The following ZSWIM5 variants were observed in gnomAD, a reference collection of about 807,000 sequenced individuals.
The protein encoded by ZSWIM5 is zinc finger SWIM domain-containing protein 5.
Under a neutral mutation model 119.6 loss-of-function variants are expected in ZSWIM5, and 55 were observed. The observed-to-expected ratio is 0.46, with a 90% CI of 0.37 to 0.58. The LOEUF is 0.58. ZSWIM5 is among the 20% of genes least tolerant of loss of function. The pLI, the probability that ZSWIM5 is intolerant of heterozygous loss-of-function variation, is 0.00. For missense variants in ZSWIM5, 1,193 were observed against 1,512.8 expected (o/e 0.79, Z 3.51); for synonymous variants, 537 against 606.9 (o/e 0.88, Z 1.69).
intron 1 of ZSWIM5, among the ~76,000 whole-genome samples, chr1:45,122,895 C>A (rs1645601127): frequency 6.6e-6 from 1 of 152,134 alleles, no homozygotes. Context: ...CCCCTATGTC[C>A]TCCTCTCCCT....
intron 1 of ZSWIM5, among the ~76,000 whole-genome samples, chr1:45,193,038 G>A (rs1285747944): frequency 6.6e-6 from 1 of 151,954 alleles, no homozygotes; most frequent in Non-Finnish European, 1.5e-5. Flanking sequence ...ATATATTCTG[G>A]ATATTAATCC....
At chr1:45,176,290 A>G (rs1645981074) in intron 1 of ZSWIM5, among the ~76,000 whole-genome samples, 1 of 151,412 alleles carries the variant, frequency 6.6e-6, no homozygotes, top group Non-Finnish European at 1.5e-5. Context: ...TTTCAGACGG[A>G]GTCTTGCTTG....
Position 45,034,574 on chromosome 1 carries a change from G to A in ZSWIM5, c.2292-105C>T, listed in dbSNP as rs543232897. 214 of 1,338,430 alleles carry A rather than the reference G, an allele frequency of 1.6e-4. No individual in the cohort carries two copies. In the African/African-American group the frequency reaches 2.8e-3, roughly 17 times the overall value. The allele number at this position is 1,338,430 out of a possible 1,614,324, so 82.9% of individuals were successfully genotyped here. A position where few individuals can be genotyped will look rare whatever the true frequency, so the allele number is the denominator to read the frequency against. ...TGGGGAGGAACTGGGGAGAGGAAAG[G>A]ATTAACTAAGAGCTTTGAAGGTTTT... is the stretch of plus-strand genomic sequence containing the variant. On this transcript the variant is annotated intron_variant, in intron 10 of 13. Transcript: ENST00000359600.
chr1:45,118,103 GA>G (rs990443656), intron 1 of ZSWIM5, among the ~76,000 whole-genome samples: 4 of 148,800 alleles, frequency 2.7e-5, no homozygotes, highest in African/African-American at 7.4e-5. Flanking sequence ...ACCCTGCCTT[GA>G]AAAAAAAAAT....
At chr1:45,162,747 T>C (rs781448201) in intron 1 of ZSWIM5, among the ~76,000 whole-genome samples, 4 of 152,288 alleles carry the variant, frequency 2.6e-5, no homozygotes, top group Non-Finnish European at 5.9e-5. Flanking sequence ...GAGATCGAAC[T>C]GCAAGGCAGC....
chr1:45,082,492 C>A (rs1416456357), intron 2 of ZSWIM5, among the ~76,000 whole-genome samples: 1 of 152,198 alleles, frequency 6.6e-6, no homozygotes, highest in Non-Finnish European at 1.5e-5. Context: ...CATGTTGGAA[C>A]TCAGTTCTAT....
rs1409463320 is a variant in ZSWIM5 at position 45,072,157 on chromosome 1, T to C, written c.953-11910A>G. ...ATGATATGTCATTGTGGTTTTGATTTGCATTTCTCTGATGACAAATGATAT... is the reference window on the plus strand; with the variant it reads ...ATGATATGTCATTGTGGTTTTGATTCGCATTTCTCTGATGACAAATGATAT... On this transcript the variant is annotated intron_variant, in intron 2 of 13. Transcript: ENST00000359600. This position sits in a 1 kb window ranked among gnomAD's most constrained non-coding sequence, Gnocchi z 4.1. Among the ~76,000 whole-genome samples the C allele has an allele frequency of 2.6e-5, 4 of 152,044 alleles. No individual in the cohort carries two copies. Among genetic ancestry groups the C allele is most frequent in the South Asian group, 4.1e-4 (2 of 4,832 alleles).
chr1:45,037,582 G>A (rs1399490972), intron 8 of ZSWIM5, among the ~76,000 whole-genome samples: 1 of 152,234 alleles, frequency 6.6e-6, no homozygotes, highest in East Asian at 1.9e-4. Context: ...GTATTGCTAT[G>A]TGTTAGTGGT....
At chr1:45,159,559 C>T (rs1023618716) in intron 1 of ZSWIM5, among the ~76,000 whole-genome samples, 10 of 151,906 alleles carry the variant, frequency 6.6e-5, no homozygotes, top group South Asian at 4.1e-4. Context: ...TCACATTTTC[C>T]AATCTGGAGA....
intron 2 of ZSWIM5, among the ~76,000 whole-genome samples, chr1:45,082,389 A>T (rs2149009322): frequency 6.6e-6 from 1 of 152,330 alleles, no homozygotes; most frequent in African/African-American, 2.4e-5. Flanking sequence ...TCTCAAACTT[A>T]AATCTATCTT....
intron 1 of ZSWIM5, among the ~76,000 whole-genome samples, chr1:45,105,434 T>C (rs1206385940): frequency 6.7e-6 from 1 of 148,260 alleles, no homozygotes; most frequent in Non-Finnish European, 1.5e-5. Context: ...GAGGTGTGCC[T>C]CTGCCCGGCC....
chr1:45,024,569 T>C (rs1001120226), intron 11 of ZSWIM5, among the ~76,000 whole-genome samples: 8 of 152,148 alleles, frequency 5.3e-5, no homozygotes, highest in African/African-American at 1.9e-4. Flanking sequence ...ATGATTGTGC[T>C]TTTGGTGTTG....
intron 1 of ZSWIM5, among the ~76,000 whole-genome samples, chr1:45,115,543 C>T (rs1203731770): frequency 4.2e-4 from 59 of 139,632 alleles, no homozygotes; most frequent in Non-Finnish European, 6.6e-4. Flanking sequence ...CCAGACGGGG[C>T]GCGGGGCAGA....
Position 45,186,674 on chromosome 1 carries a change from C to T in ZSWIM5, c.595+19082G>A, listed in dbSNP as rs551768541. Among the ~76,000 whole-genome samples the T allele has an allele frequency of 3.9e-5, 6 of 152,194 alleles. No individual in the cohort carries two copies. In the South Asian group the frequency reaches 8.3e-4, roughly 21 times the overall value. The stretch of plus-strand genomic sequence containing the variant: ...AGGCTAGAGTGCAGTGGCATGATCT[C>T]GGCTCACTGCAACCTCTGCCTCCCG... On this transcript the variant is annotated intron_variant, in intron 1 of 13. Coordinates refer to ENST00000359600, the MANE Select transcript of ZSWIM5 (RefSeq NM_020883.2).
intron 1 of ZSWIM5, among the ~76,000 whole-genome samples, chr1:45,129,296 C>T (rs1645640694): frequency 6.6e-6 from 1 of 151,130 alleles, no homozygotes; most frequent in African/African-American, 2.4e-5. Flanking sequence ...GTAGCTGGGA[C>T]TACAGGCGCC....
chr1:45,034,508 C>T (rs1379324966), intron 10 of ZSWIM5, 39 bp from the exon 11 acceptor site: 2 of 1,553,114 alleles, frequency 1.3e-6, no homozygotes, highest in Non-Finnish European at 1.7e-6. Flanking sequence ...ACCATCCAGA[C>T]CCTGGGCTTC....
intron 1 of ZSWIM5, among the ~76,000 whole-genome samples, chr1:45,191,843 T>C (rs540170265): frequency 9.2e-5 from 14 of 152,370 alleles, no homozygotes; most frequent in Admixed American, 2.0e-4. Flanking sequence ...TTTCTAATGA[T>C]AGCTTTATTA....
intron 3 of ZSWIM5, 24 bp downstream of exon 3, chr1:45,060,075 G>T: frequency 6.2e-7 from 1 of 1,613,504 alleles, no homozygotes; most frequent in Non-Finnish European, 8.5e-7. Flanking sequence ...AACAACAAAA[G>T]AAAAACACCT....
intron 1 of ZSWIM5, among the ~76,000 whole-genome samples, chr1:45,158,814 A>G (rs927967220): frequency 9.2e-5 from 14 of 152,210 alleles, no homozygotes; most frequent in African/African-American, 2.2e-4. Context: ...AATCATTACA[A>G]TAGAGAAGAT....
Sources: gnomAD v4.1 joint callset for allele counts (sites outside exome capture counted in the v4.1 genomes callset) on GRCh38, gnomAD v4.1.1 for gene constraint, Gnocchi (gnomAD v3.1) non-coding constraint, MANE v1.5 for transcripts, NCBI Gene and HGNC (gene_info 2026-07-23, HGNC 2026-07-21) for gene names.